PRKCQ: variants seen among roughly 807,000 people sequenced by gnomAD.
PRKCQ encodes the protein protein kinase C theta type.
A neutral mutation model predicts 91.2 loss-of-function variants in PRKCQ; 41 were observed. That is an observed-to-expected ratio of 0.45 (90% confidence interval 0.35 to 0.58). The LOEUF (loss-of-function observed/expected upper bound fraction) is 0.58. PRKCQ is among the 20% of genes least tolerant of loss of function. The probability of loss-of-function intolerance (pLI) is 0.00; values close to 1 mark genes in which losing one functional copy is unlikely to be tolerated. For missense variants in PRKCQ, 673 were observed against 896.5 expected (o/e 0.75, Z 3.18); for synonymous variants, 307 against 316.9 (o/e 0.97, Z 0.33).
At chr10:6,458,550 C>T (rs1026234481) in intron 14 of PRKCQ, among the ~76,000 whole-genome samples, 2 of 152,088 alleles carry the variant, frequency 1.3e-5, no homozygotes, top group Non-Finnish European at 2.9e-5. Flanking sequence ...CCTTTCATTC[C>T]ATCATGAGGT....
At chr10:6,537,693 G>A (rs1395588901) in intron 1 of PRKCQ, among the ~76,000 whole-genome samples, 3 of 152,158 alleles carry the variant, frequency 2.0e-5, no homozygotes, top group Non-Finnish European at 2.9e-5. Context: ...AGCTCTCTTC[G>A]CTGGTCCTTG....
intron 2 of PRKCQ, among the ~76,000 whole-genome samples, chr10:6,513,402 G>A (rs1215446375): frequency 7.1e-6 from 1 of 140,734 alleles, no homozygotes; most frequent in African/African-American, 2.7e-5. Flanking sequence ...AAGGACTCTC[G>A]ATCCACATGG....
chr10:6,458,823 T>A (rs11258959), intron 14 of PRKCQ, among the ~76,000 whole-genome samples: 30,294 of 152,156 alleles, frequency 0.2, 3,859 homozygotes, highest in Non-Finnish European at 0.27. Context: ...TAAAATATAA[T>A]CTTAAGGTTC....
At chr10:6,491,896 CAG>C (rs1837326108) in intron 7 of PRKCQ, 84 bp from the exon 8 acceptor site, 2 of 1,549,902 alleles carry the variant, frequency 1.3e-6, no homozygotes, top group Admixed American at 3.4e-5. Context: ...GCATAACTAA[CAG>C]AGATCATAAT....
chr10:6,536,424 C>G (rs933122391), intron 1 of PRKCQ, among the ~76,000 whole-genome samples: 1 of 152,214 alleles, frequency 6.6e-6, no homozygotes, highest in African/African-American at 2.4e-5. Flanking sequence ...GTCACTGTTA[C>G]TTGGGAGCCC....
intron 1 of PRKCQ, among the ~76,000 whole-genome samples, chr10:6,550,399 G>A (rs896047375): frequency 1.3e-5 from 2 of 152,036 alleles, no homozygotes; most frequent in African/African-American, 4.8e-5. Context: ...TCCGCCACCT[G>A]AGTAGCTGGG....
rs1416132142 is a variant in PRKCQ at position 6,465,674 on chromosome 10, CATAGGAGGTA to C, written c.1354-1280_1354-1271del. Among the ~76,000 whole-genome samples the C allele has an allele frequency of 4.6e-5, 7 of 152,312 alleles. No individual in the cohort carries two copies. The highest frequency in any genetic ancestry group is 1.7e-4 in the African/African-American group (7 of 41,558). ...TGTGAACCCAACCGAGGCCGTGGGG[CATAGGAGGTA>C]ATAGTAGAAACATTGTTCTGGTCTG... is the stretch of plus-strand genomic sequence containing the variant. On this transcript the variant is annotated intron_variant, in intron 12 of 17. Transcript: ENST00000263125. The surrounding 1 kb of genome is among the most constrained non-coding windows in gnomAD (Gnocchi z 4.4).
At chr10:6,552,899 T>A (rs919826718) in intron 1 of PRKCQ, among the ~76,000 whole-genome samples, 1 of 152,198 alleles carries the variant, frequency 6.6e-6, no homozygotes, top group Non-Finnish European at 1.5e-5. Context: ...TAAAATTTTT[T>A]TTTAATTAAA....
Position 6,511,126 on chromosome 10 carries a change from G to C in PRKCQ, c.187C>G (p.His63Asp). 6.2e-7 allele frequency: 1 copy of C among 1,614,060 alleles called. No individual in the cohort carries two copies. Among genetic ancestry groups the C allele is most frequent in the South Asian group, 1.1e-5 (1 of 91,074 alleles). ...YPPWDSTFDAHINKGRVMQII... is the reference protein window; with the variant it reads ...YPPWDSTFDADINKGRVMQII... ...TGCATGACTCTTCCCTTGTTGATAT[G>C]GGCATCAAAAGTGCTGTCCCAGGGT... is the stretch of plus-strand genomic sequence containing the variant. The change falls in exon 3 of 18, where the codon CAT becomes GAT. Residue 63 changes from histidine (H) to aspartate (D), a missense_variant. His to Asp is a moderately conservative substitution (Grantham distance 81, BLOSUM62 -1). Coordinates refer to ENST00000263125, the MANE Select transcript of PRKCQ (RefSeq NM_006257.5).
intron 12 of PRKCQ, among the ~76,000 whole-genome samples, chr10:6,466,367 T>C (rs1835655665): frequency 2.6e-5 from 4 of 152,282 alleles, no homozygotes; most frequent in South Asian, 2.1e-4. Flanking sequence ...GGGGGTTGAA[T>C]TGGCCATTAA....
chr10:6,442,150 G>A (rs748721117), intron 15 of PRKCQ, 69 bp from the exon 16 acceptor site: 92 of 1,451,688 alleles, frequency 6.3e-5, no homozygotes, highest in African/African-American at 6.3e-4. Context: ...CTTCCTGAGC[G>A]TCTCAAGGCC....
chr10:6,467,199 C>T (rs1317279553), intron 12 of PRKCQ, among the ~76,000 whole-genome samples: 2 of 151,934 alleles, frequency 1.3e-5, no homozygotes, highest in African/African-American at 2.4e-5. Context: ...GTTCTCTGGC[C>T]GATGGCTCTC....
At chr10:6,413,248 G>A in the PRKCQ span, among the ~76,000 whole-genome samples, 5 of 152,048 alleles carry the variant, frequency 3.3e-5, no homozygotes, top group Non-Finnish European at 5.9e-5. Flanking sequence ...CACTCTGCCC[G>A]GCCTTAAACA....
chr10:6,426,137 C>G (rs145190942), downstream of PRKCQ, among the ~76,000 whole-genome samples: 1 of 152,148 alleles, frequency 6.6e-6, no homozygotes, highest in Non-Finnish European at 1.5e-5. Context: ...AGATTTAGAA[C>G]CAGAAAGCGC....
At chr10:6,495,963 C>T (rs997445273) in intron 7 of PRKCQ, among the ~76,000 whole-genome samples, 1 of 152,254 alleles carries the variant, frequency 6.6e-6, no homozygotes, top group South Asian at 2.1e-4. Flanking sequence ...TGCCTATAAT[C>T]CCAGCACTTT....
intron 13 of PRKCQ, among the ~76,000 whole-genome samples, chr10:6,463,400 A>G (rs1835463871): frequency 6.6e-6 from 1 of 152,282 alleles, no homozygotes; most frequent in South Asian, 2.1e-4. Flanking sequence ...GCTGGAGACG[A>G]CAGTGGACTA....
At chr10:6,502,665 G>A (rs1187190354) in intron 4 of PRKCQ, among the ~76,000 whole-genome samples, 1 of 152,218 alleles carries the variant, frequency 6.6e-6, no homozygotes, top group Non-Finnish European at 1.5e-5. Flanking sequence ...GGATATGGCA[G>A]GAGGTAGTAA....
rs1000126846 is a variant in PRKCQ, at chr10:6,465,430, T to C, written c.1354-1026A>G. 4.6e-5 allele frequency among the ~76,000 whole-genome samples: 7 copies of C among 152,122 alleles called. No individual in the cohort carries two copies. The highest frequency in any genetic ancestry group is 6.5e-5 in the Admixed American group (1 of 15,278). On this transcript the variant is annotated intron_variant, in intron 12 of 17. Transcript: ENST00000263125. The surrounding 1 kb of genome is among the most constrained non-coding windows in gnomAD (Gnocchi z 4.4). ...GCTGTGGTGGGCATATCAGCCAGGA[T>C]TGTAACCAGCCTCAGCAACTCAATG...
chr10:6,477,636 G>T (rs987963158), intron 12 of PRKCQ, among the ~76,000 whole-genome samples: 3 of 152,208 alleles, frequency 2.0e-5, no homozygotes, highest in Non-Finnish European at 4.4e-5. Context: ...GGGAGGCTGA[G>T]GGGGGTGGAT....
Sources: allele counts gnomAD v4.1 joint callset (sites outside exome capture counted in the v4.1 genomes callset), GRCh38; gene constraint gnomAD v4.1.1; non-coding constraint Gnocchi (gnomAD v3.1); transcripts MANE v1.5; gene names NCBI Gene and HGNC (gene_info 2026-07-23, HGNC 2026-07-21).